SMARCA4: variants seen among roughly 807,000 people sequenced by gnomAD.
The protein encoded by SMARCA4 is SWI/SNF related BAF chromatin remodeling complex subunit ATPase 4.
In SMARCA4, 31 loss-of-function variants were observed where a neutral mutation model predicts 193.9. The ratio of observed to expected loss-of-function variants is 0.16; its 90% confidence interval spans 0.12 to 0.22. SMARCA4 has a LOEUF of 0.22. SMARCA4 is among the 10% of genes least tolerant of loss of function. The pLI is 1.00. For synonymous variants in SMARCA4, 942 were observed against 933.1 expected (o/e 1.01, Z -0.17); for missense variants, 1,148 against 2,296.0 (o/e 0.50, Z 10.22).
chr19:11,021,593 C>T (rs1477085828), intron 18 of SMARCA4, 132 bp from the exon 19 acceptor site: 1 of 1,153,350 alleles, frequency 8.7e-7, no homozygotes, highest in Non-Finnish European at 1.3e-6. Context: ...GGACGTCAGG[C>T]CTGTGCTCTC....
At chr19:11,046,291 T>G (rs1427200012) in intron 30 of SMARCA4, among the ~76,000 whole-genome samples, 1 of 152,158 alleles carries the variant, frequency 6.6e-6, no homozygotes, top group Non-Finnish European at 1.5e-5. Flanking sequence ...AACTGTTCTG[T>G]TTCGGGACAT....
At chr19:10,988,487 G>A (rs142111363) in intron 6 of SMARCA4, among the ~76,000 whole-genome samples, 86 of 152,228 alleles carry the variant, frequency 5.6e-4, no homozygotes, top group African/African-American at 1.8e-3. Flanking sequence ...TGCCCAATAA[G>A]CTTTGCCTTA....
intron 13 of SMARCA4, among the ~76,000 whole-genome samples, chr19:11,005,167 T>C (rs923449105): frequency 1.3e-5 from 2 of 152,184 alleles, no homozygotes; most frequent in South Asian, 2.1e-4. Context: ...TCTTCATGTT[T>C]AGTTGAAGCG....
Position 11,019,225 on chromosome 19 carries a change from G to A in SMARCA4, c.2505+202G>A. ...GGGACAGGGCAGATTAGCTCACTGGGGAGGAGACAGGAGTGAGCATGGTGG... is the reference window on the plus strand; with the variant it reads ...GGGACAGGGCAGATTAGCTCACTGGAGAGGAGACAGGAGTGAGCATGGTGG... On this transcript the variant is annotated intron_variant, in intron 17 of 34. Coordinates refer to ENST00000344626, the MANE Select transcript of SMARCA4 (RefSeq NM_003072.5). This position sits in a 1 kb window ranked among gnomAD's most constrained non-coding sequence, Gnocchi z 6.1. 1.5e-6 allele frequency: 1 copy of A among 656,086 alleles called. No individual in the cohort carries two copies. The highest frequency in any genetic ancestry group is 1.7e-5 in the South Asian group (1 of 59,948). 40.6% of individuals were successfully genotyped at this position (656,086 alleles called of 1,614,324 possible). A position where few individuals can be genotyped will look rare whatever the true frequency, so the allele number is the denominator to read the frequency against.
chr19:11,043,469 G>A (rs2075733470), intron 30 of SMARCA4, among the ~76,000 whole-genome samples: 1 of 152,080 alleles, frequency 6.6e-6, no homozygotes, highest in African/African-American at 2.4e-5. Flanking sequence ...AAAGAGGAAA[G>A]CAAGTGGAGG....
intron 1 of SMARCA4, among the ~76,000 whole-genome samples, chr19:10,967,291 T>TTTTTA (rs769814290): frequency 3.1e-4 from 47 of 150,516 alleles, no homozygotes; most frequent in East Asian, 9.9e-4. Flanking sequence ...GGCTTTCTTG[T>TTTTTA]TTTTATTTTA....
chr19:11,008,122 A>C (rs2146198718), intron 14 of SMARCA4, 99 bp downstream of exon 14: 1 of 1,249,484 alleles, frequency 8.0e-7, no homozygotes, highest in Non-Finnish European at 1.1e-6. Context: ...GACATTCAGC[A>C]CTGTCCAGCC....
chr19:10,987,465 G>C lies in SMARCA4; in HGVS notation c.860-201G>C, dbSNP rs1214184797. The stretch of plus-strand genomic sequence containing the variant: ...AGCCTGGGGCTGGCCCCAGTGGAGG[G>C]TGTGAAGGACGAGGGTGAGGCTGAG... On this transcript the variant is annotated intron_variant, in intron 5 of 34. Transcript: ENST00000344626. The surrounding 1 kb of genome is among the most constrained non-coding windows in gnomAD (Gnocchi z 5.3). Among the ~76,000 whole-genome samples, 1 of 152,202 alleles carries C rather than the reference G, an allele frequency of 6.6e-6. No individual in the cohort carries two copies. Among genetic ancestry groups the C allele is most frequent in the East Asian group, 1.9e-4 (1 of 5,188 alleles).
rs1432832082 is a variant in SMARCA4 at position 10,986,958 on chromosome 19, A to G, written c.814A>G (p.Met272Val). 1 of 1,610,182 alleles carries G rather than the reference A, an allele frequency of 6.2e-7. No homozygotes were observed. Among genetic ancestry groups the G allele is most frequent in the Non-Finnish European group, 8.5e-7 (1 of 1,179,926 alleles). ...PPGPSGVPPG[M>V]PGQPPGGPPK... Reference sequence around the variant, plus strand: ...AGGACCCTCGGGCGTGCCCCCCGGGATGCCAGGCCAGCCTCCTGGAGGGCC... The same window carrying G: ...AGGACCCTCGGGCGTGCCCCCCGGGGTGCCAGGCCAGCCTCCTGGAGGGCC... Residue 272 changes from methionine (M) to valine (V), a missense_variant, in exon 5 of 35, where the codon ATG (methionine) becomes GTG (valine). Met to Val is a conservative substitution (Grantham distance 21). Transcript: ENST00000344626. This position sits in a 1 kb window ranked among gnomAD's most constrained non-coding sequence, Gnocchi z 6.7.
chr19:11,035,279 C>A (rs1356292699), intron 29 of SMARCA4, 147 bp downstream of exon 29: 4 of 792,164 alleles, frequency 5.0e-6, no homozygotes, highest in Non-Finnish European at 8.7e-6. Context: ...AGCCGAGAGC[C>A]TTCCGATGTG....
intron 1 of SMARCA4, among the ~76,000 whole-genome samples, chr19:10,982,342 T>C (rs2085618275): frequency 6.6e-6 from 1 of 151,964 alleles, no homozygotes. Context: ...GGCATGGTGG[T>C]GTGTGCTTGT....
At chr19:11,003,187 A>G (rs1793012429) in intron 12 of SMARCA4, 28 bp downstream of exon 12, 2 of 1,613,786 alleles carry the variant, frequency 1.2e-6, no homozygotes, top group African/African-American at 1.3e-5. Flanking sequence ...TTCCAGATGC[A>G]GTGGGGATCC....
chr19:11,062,195 T>G lies in SMARCA4; in HGVS notation c.*379T>G, dbSNP rs1381760506. 1 of 338,650 alleles carries G rather than the reference T, an allele frequency of 3.0e-6. No homozygotes were observed. The highest frequency in any genetic ancestry group is 4.8e-5 in the East Asian group (1 of 21,046). The allele number at this position is 338,650 out of a possible 1,614,324, so 21.0% of individuals were successfully genotyped here. A position where few individuals can be genotyped will look rare whatever the true frequency, so the allele number is the denominator to read the frequency against. On this transcript the variant is annotated 3_prime_UTR_variant, in exon 35 of 35. Coordinates refer to ENST00000344626, the MANE Select transcript of SMARCA4 (RefSeq NM_003072.5). ...CTCCTACTGTATTTTATTGGACAGG[T>G]CAGACTCGCCGGGGGCCCGGCGAGG...
chr19:11,003,772 T>G (rs1303271830), intron 13 of SMARCA4, among the ~76,000 whole-genome samples: 2 of 149,718 alleles, frequency 1.3e-5, no homozygotes, highest in African/African-American at 4.9e-5. Context: ...AGTGCACTGG[T>G]GCAATCTCAG....
At chr19:10,963,587 ACACC>A (rs2083982696) in intron 1 of SMARCA4, among the ~76,000 whole-genome samples, 1 of 152,028 alleles carries the variant, frequency 6.6e-6, no homozygotes, top group African/African-American at 2.4e-5. Flanking sequence ...TCCTGAATTC[ACACC>A]CAGCTCTCTA....
At chr19:10,974,889 A>G in intron 1 of SMARCA4, among the ~76,000 whole-genome samples, 1 of 148,958 alleles carries the variant, frequency 6.7e-6, no homozygotes, top group Admixed American at 6.8e-5. Context: ...GTGTTTTTGT[A>G]GAGATGGGGT....
intron 24 of SMARCA4, among the ~76,000 whole-genome samples, chr19:11,028,352 G>C (rs2090410524): frequency 6.6e-6 from 1 of 152,212 alleles, no homozygotes; most frequent in African/African-American, 2.4e-5. Flanking sequence ...GGTGATATTG[G>C]AGAGACTTTT....
At chr19:11,050,445 G>A (rs893107914) in intron 30 of SMARCA4, among the ~76,000 whole-genome samples, 21 of 152,358 alleles carry the variant, frequency 1.4e-4, no homozygotes, top group Admixed American at 1.3e-3. Context: ...CTGAAATAAC[G>A]TGGCCAGGCA....
rs764152134 is a variant in SMARCA4 at position 11,033,791 on chromosome 19, G to A, written c.3799G>A (p.Gly1267Ser). The A allele has an allele frequency of 5.1e-6, 4 of 779,766 alleles. No homozygotes were observed. Among genetic ancestry groups the A allele is most frequent in the African/African-American group, 1.7e-5 (1 of 59,132 alleles). 48.3% of individuals were successfully genotyped at this position (779,766 alleles called of 1,614,324 possible). A position where few individuals can be genotyped will look rare whatever the true frequency, so the allele number is the denominator to read the frequency against. ...GAGCAGACACTGCAGCACGGGCAGC[G>A]GCAGTGCCAGCTTCGCCCACACTGC... ...DESRHCSTGS[G>S]SASFAHTAPP... Residue 1267 changes from glycine to serine, a missense_variant, in exon 27 of 35, where the codon GGC (glycine) becomes AGC (serine). Around this residue, in one of 17 missense-constraint regions of SMARCA4, gnomAD observed 84 missense variants for 202.2 expected, o/e 0.42. Coordinates refer to ENST00000344626, the MANE Select transcript of SMARCA4 (RefSeq NM_003072.5). The surrounding 1 kb of genome is among the most constrained non-coding windows in gnomAD (Gnocchi z 9.8).
Sources: allele counts gnomAD v4.1 joint callset (sites outside exome capture counted in the v4.1 genomes callset), GRCh38; gene constraint gnomAD v4.1.1; regional missense constraint gnomAD v4.1.1; non-coding constraint Gnocchi (gnomAD v3.1); transcripts MANE v1.5; gene names NCBI Gene and HGNC (gene_info 2026-07-23, HGNC 2026-07-21).